The following PPP1R13L variants were observed in gnomAD, a reference collection of about 807,000 sequenced individuals.
The protein encoded by PPP1R13L is relA-associated inhibitor.
Under a neutral mutation model 80.9 loss-of-function variants are expected in PPP1R13L, and 50 were observed. The observed-to-expected ratio is 0.62, with a 90% confidence interval of 0.49 to 0.78. PPP1R13L has a LOEUF of 0.78. Among genes scored for constraint, PPP1R13L ranks in the 30% least tolerant of loss-of-function variants. PPP1R13L has a pLI of 0.00. For missense variants in PPP1R13L, 1,200 were observed against 1,205.9 expected (o/e 1.00, Z 0.07); for synonymous variants, 602 against 534.3 (o/e 1.13, Z -1.75).
At chr19:45,404,590 GA>G (rs35758476) in intron 1 of PPP1R13L, among the ~76,000 whole-genome samples, 423 of 152,270 alleles carry the variant, frequency 2.8e-3, no homozygotes, top group African/African-American at 9.7e-3. Context: ...AGACCTAGAA[GA>G]TCGGTCGAGA....
chr19:45,406,211 G>T (rs767092169), upstream of PPP1R13L: 5 of 818,844 alleles, frequency 6.1e-6, no homozygotes, highest in South Asian at 5.5e-5. This position sits in a 1 kb window ranked among gnomAD's most constrained non-coding sequence, Gnocchi z 4.2. Context: ...TCCCAGTCAA[G>T]TTCTGAACTT....
chr19:45,397,114 T>G (rs1018551672), intron 3 of PPP1R13L, 56 bp from the exon 4 acceptor site: 1 of 1,236,138 alleles, frequency 8.1e-7, no homozygotes, highest in African/African-American at 1.6e-5. Flanking sequence ...AGTGGAAGGG[T>G]TGGTGTGTGG....
Position 45,392,189 on chromosome 19 carries a change from C to A in PPP1R13L, c.1506G>T (p.Gln502His). ...RLQPALPPEA[Q>H]SVPELEEVAR... The stretch of plus-strand genomic sequence containing the variant: ...CCACCTCCTCCAGCTCGGGCACCGA[C>A]TGTGCCTCCGGTGGCAGTGCTGGCT... Residue 502 changes from glutamine (Q) to histidine (H), a missense_variant, in exon 8 of 13, where the codon CAG becomes CAT. By Grantham distance (24) the Gln-to-His change is conservative. Around this residue, in one of 5 missense-constraint regions of PPP1R13L, gnomAD observed 53 missense variants for 96.5 expected, o/e 0.55. Transcript: ENST00000360957. 1.2e-6 allele frequency: 2 copies of A among 1,611,164 alleles called. No homozygotes were observed. The highest frequency in any genetic ancestry group is 1.7e-6 in the Non-Finnish European group (2 of 1,178,304).
chr19:45,386,173 C>T lies in PPP1R13L; in HGVS notation c.1823G>A (p.Arg608His), dbSNP rs1195215838. 3 of 1,523,738 alleles carry T rather than the reference C, an allele frequency of 2.0e-6. 1 individual carries two copies. The highest frequency in any genetic ancestry group is 2.6e-5 in the South Asian group (2 of 77,892). The allele number at this position is 1,523,738 out of a possible 1,614,324, so 94.4% of individuals were successfully genotyped here. The change falls in exon 9 of 13, where the codon CGC becomes CAC. Residue 608 changes from arginine (R) to histidine (H), a missense_variant. Around this residue, in one of 5 missense-constraint regions of PPP1R13L, gnomAD observed 214 missense variants for 199.6 expected, o/e 1.07. Transcript: ENST00000360957. ...GGAGCCCGCCTTCCGCAGCACAGAG[C>T]GCATCTCCTGGGGGACAGGGCGCAG... ...PPEQPQSMEMRSVLRKAGSPR... is the reference protein window; with the variant it reads ...PPEQPQSMEMHSVLRKAGSPR...
rs748030234 is a variant in PPP1R13L at position 45,395,733 on chromosome 19, G to A, written c.1057C>T (p.Pro353Ser). The change falls in exon 7 of 13, where the codon CCC becomes TCC. Residue 353 changes from proline (P) to serine (S), a missense_variant. Around this residue, in one of 5 missense-constraint regions of PPP1R13L, gnomAD observed 764 missense variants for 714.5 expected, o/e 1.07. Coordinates refer to ENST00000360957, the MANE Select transcript of PPP1R13L (RefSeq NM_006663.4). ...GGCTGGGGGCTGGAGGGGGGCATGG[G>A]GATGCGGCTGACGGGCTGCCAGCTG... ...PRSWQPVSRI[P>S]MPPSSPQPRG... The A allele has an allele frequency of 6.6e-7, 1 of 1,514,190 alleles. No individual in the cohort carries two copies. Among genetic ancestry groups the A allele is most frequent in the African/African-American group, 1.4e-5 (1 of 73,134 alleles). 93.8% of individuals were successfully genotyped at this position (1,514,190 alleles called of 1,614,324 possible). A position where few individuals can be genotyped will look rare whatever the true frequency, so the allele number is the denominator to read the frequency against.
chr19:45,391,811 G>T (rs1972977413), intron 8 of PPP1R13L, 69 bp downstream of exon 8: 7 of 1,234,270 alleles, frequency 5.7e-6, no homozygotes, highest in Non-Finnish European at 6.5e-6. Context: ...ACTATATTTG[G>T]GGGGCTCTTT....
At chr19:45,383,624 C>T (rs1972810580) in intron 11 of PPP1R13L, among the ~76,000 whole-genome samples, 1 of 151,968 alleles carries the variant, frequency 6.6e-6, no homozygotes, top group Admixed American at 6.6e-5. Context: ...TTGCTGAATG[C>T]CCGTGTCAAC....
chr19:45,393,680 C>G (rs577933401), intron 7 of PPP1R13L, among the ~76,000 whole-genome samples: 3 of 152,138 alleles, frequency 2.0e-5, no homozygotes, highest in Non-Finnish European at 4.4e-5. Flanking sequence ...CGAGACCATC[C>G]TGGCTAACAT....
intron 11 of PPP1R13L, 147 bp from the exon 12 acceptor site, chr19:45,382,873 G>A (rs1972791841): frequency 1.4e-6 from 1 of 733,516 alleles, no homozygotes; most frequent in Non-Finnish European, 2.3e-6. Context: ...CTGTGGATGG[G>A]AACCGGAGCT....
chr19:45,399,178 C>T (rs1014960466), intron 1 of PPP1R13L, among the ~76,000 whole-genome samples: 1 of 148,492 alleles, frequency 6.7e-6, no homozygotes, highest in African/African-American at 2.5e-5. Flanking sequence ...CTCCTGACCG[C>T]GTGATCCATC....
intron 12 of PPP1R13L, among the ~76,000 whole-genome samples, chr19:45,381,297 G>T (rs35627073): frequency 0.013 from 1,928 of 151,268 alleles, 43 homozygotes; most frequent in African/African-American, 0.045. Flanking sequence ...CCTGACCTCA[G>T]GAGATCCGCC....
At position 45,395,671 on chromosome 19, in the gene PPP1R13L, G is replaced by A; in HGVS notation, c.1119C>T (p.Ser373=). 6.8e-7 allele frequency: 1 copy of A among 1,462,914 alleles called. No individual in the cohort carries two copies. The highest frequency in any genetic ancestry group is 9.0e-7 in the Non-Finnish European group (1 of 1,116,724). The allele number at this position is 1,462,914 out of a possible 1,614,324, so 90.6% of individuals were successfully genotyped here. A position where few individuals can be genotyped will look rare whatever the true frequency, so the allele number is the denominator to read the frequency against. The change falls in exon 7 of 13, where the codon AGC becomes AGT. Residue 373 remains serine (S), a synonymous_variant. Transcript: ENST00000360957. ...GAPRQRPIPL[S]MIFKLQNAFW... ...AGGCGTTCTGCAGCTTGAAGATCAT[G>A]CTGAGGGGGATGGGACGCTGGCGCG...
At chr19:45,381,356 C>T (rs1378345697) in intron 12 of PPP1R13L, among the ~76,000 whole-genome samples, 4 of 151,856 alleles carry the variant, frequency 2.6e-5, no homozygotes, top group African/African-American at 7.3e-5. Flanking sequence ...GCCACCTGGC[C>T]GGGCCCTCCA....
At position 45,382,633 on chromosome 19, in the gene PPP1R13L, T is replaced by A. The variant is rs1326364229; in HGVS notation, c.2342A>T (p.Glu781Val). Residue 781 changes from glutamate (E) to valine (V), a missense_variant, in exon 12 of 13, where the codon GAG (glutamate) becomes GTG (valine). By Grantham distance (121) the Glu-to-Val change is moderately radical. This residue lies in a region of PPP1R13L where 165 missense variants were observed against 177.1 expected (regional missense o/e 0.93). Coordinates refer to ENST00000360957, the MANE Select transcript of PPP1R13L (RefSeq NM_006663.4). ...AEFGDELSFR[E>V]GESVTVLRRD... ...CCGCAGCACGGTGACCGACTCGCCC[T>A]CGCGGAAGGACAGCTCGTCCCCGAA... 1.2e-6 allele frequency: 2 copies of A among 1,613,802 alleles called. No individual in the cohort carries two copies. The highest frequency in any genetic ancestry group is 2.2e-5 in the South Asian group (2 of 91,084).
intron 8 of PPP1R13L, among the ~76,000 whole-genome samples, chr19:45,388,588 C>G (rs1433486645): frequency 4.0e-5 from 6 of 151,840 alleles, no homozygotes; most frequent in Admixed American, 6.6e-5. Context: ...AATAATAACC[C>G]TCTATTACAA....
intron 1 of PPP1R13L, among the ~76,000 whole-genome samples, chr19:45,401,206 T>C (rs1018840496): frequency 6.6e-6 from 1 of 151,390 alleles, no homozygotes; most frequent in Non-Finnish European, 1.5e-5. Context: ...TACAAAAAAA[T>C]TAGCTGGGCG....
Position 45,382,518 on chromosome 19 carries a change from TG to T in PPP1R13L, c.2448+8del. On this transcript the variant is annotated splice_region_variant and intron_variant, in intron 12 of 12. Transcript: ENST00000360957. The stretch of plus-strand genomic sequence containing the variant: ...CGGGAGGTCCCCATGACTTCTCCCC[TG>T]GGCTCACCCCGAAGTAGTTCCGCGG... The T allele has an allele frequency of 6.2e-7, 1 of 1,611,030 alleles. No homozygotes were observed. Among genetic ancestry groups the T allele is most frequent in the Non-Finnish European group, 8.5e-7 (1 of 1,178,340 alleles).
intron 3 of PPP1R13L, among the ~76,000 whole-genome samples, chr19:45,397,468 C>CTTTCTT (rs1294884126): frequency 0.13 from 10,720 of 85,758 alleles, 1,006 homozygotes; most frequent in Non-Finnish European, 0.17. Flanking sequence ...TGCTTTCTCT[C>CTTTCTT]TCTCTCTTTC....
Position 45,391,991 on chromosome 19 carries a change from G to T in PPP1R13L, c.1704C>A (p.Pro568=). 6.5e-7 allele frequency: 1 copy of T among 1,530,934 alleles called. No individual in the cohort carries two copies. The allele number at this position is 1,530,934 out of a possible 1,614,324, so 94.8% of individuals were successfully genotyped here. The change falls in exon 8 of 13, where the codon CCC becomes CCA. Residue 568 remains proline, a synonymous_variant. Coordinates refer to ENST00000360957, the MANE Select transcript of PPP1R13L (RefSeq NM_006663.4). ...GPGGPEPELS[P]ITEGSEARAG... The stretch of plus-strand genomic sequence containing the variant: ...CCCTGGCCTCAGATCCCTCAGTGAT[G>T]GGGGACAGCTCTGGCTCCGGCCCCC...
Sources: gnomAD v4.1 joint callset for allele counts (sites outside exome capture counted in the v4.1 genomes callset) on GRCh38, gnomAD v4.1.1 for gene constraint, gnomAD v4.1.1 regional missense constraint, Gnocchi (gnomAD v3.1) non-coding constraint, MANE v1.5 for transcripts, NCBI Gene and HGNC (gene_info 2026-07-23, HGNC 2026-07-21) for gene names.